Variants in HIPK3 observed in about 807,000 individuals in gnomAD.
HIPK3 encodes homeodomain-interacting protein kinase 3.
In HIPK3, 47 loss-of-function variants were observed where a neutral mutation model predicts 124.2. The observed-to-expected ratio is 0.38, with a 90% CI of 0.30 to 0.48. The LOEUF (loss-of-function observed/expected upper bound fraction) is 0.48. Among genes scored for constraint, HIPK3 ranks in the 20% least tolerant of loss-of-function variants. HIPK3 has a pLI of 0.98. For missense variants in HIPK3, 1,286 were observed against 1,454.3 expected (o/e 0.88, Z 1.88); for synonymous variants, 482 against 515.2 (o/e 0.94, Z 0.87).
At chr11:33,268,892 ACTTCCTAAC>A (rs1432436940) in intron 1 of HIPK3, among the ~76,000 whole-genome samples, 1 of 152,208 alleles carries the variant, frequency 6.6e-6, no homozygotes, top group Non-Finnish European at 1.5e-5. Flanking sequence ...AAATACCTCA[ACTTCCTAAC>A]CTATTAGAAG....
At chr11:33,329,902 T>C (rs1275926986) in intron 3 of HIPK3, among the ~76,000 whole-genome samples, 1 of 152,242 alleles carries the variant, frequency 6.6e-6, no homozygotes, top group African/African-American at 2.4e-5. Flanking sequence ...GCCTATGGCA[T>C]GCATACCGCC....
intron 2 of HIPK3, among the ~76,000 whole-genome samples, chr11:33,312,705 C>T (rs1852387992): frequency 6.6e-6 from 1 of 152,100 alleles, no homozygotes; most frequent in Admixed American, 6.6e-5. Context: ...CAATTTAAAT[C>T]TTAAGTTTTT....
chr11:33,257,573 G>A lies in HIPK3; in HGVS notation c.-319G>A. ...AGGCCCCAGTAGCCGGAGGCCGACC[G>A]GCCTCCCACTACCCCTCGCCCTAGC... On this transcript the variant is annotated 5_prime_UTR_variant, in exon 1 of 17. Transcript: ENST00000303296. 1.0e-6 allele frequency: 1 copy of A among 985,802 alleles called. No homozygotes were observed. The highest frequency in any genetic ancestry group is 1.2e-6 in the Non-Finnish European group (1 of 830,130). The allele number at this position is 985,802 out of a possible 1,614,324, so 61.1% of individuals were successfully genotyped here.
rs997963382 is a variant in HIPK3 at position 33,341,638 on chromosome 11, G to A, written c.1849G>A (p.Gly617Ser). The change falls in exon 8 of 17, where the codon GGT (glycine) becomes AGT (serine). Residue 617 changes from glycine to serine, a missense_variant. This residue lies in a region of HIPK3 where 810 missense variants were observed against 864.9 expected (regional missense o/e 0.94). Transcript: ENST00000303296. ...GGCAGGAACTGCTCAGTTTGGTTGT[G>A]GTGATGCTTTTCAGCAGACATTGAT... ...LQAGTAQFGC[G>S]DAFQQTLIIC... 2.0e-5 allele frequency: 33 copies of A among 1,613,536 alleles called. No homozygotes were observed. The highest frequency in any genetic ancestry group is 2.7e-5 in the Non-Finnish European group (32 of 1,179,720).
chr11:33,310,276 C>CTGTCT (rs879703681), intron 2 of HIPK3, among the ~76,000 whole-genome samples: 6 of 75,860 alleles, frequency 7.9e-5, no homozygotes, highest in East Asian at 3.7e-4. Flanking sequence ...GTCTGTCTGT[C>CTGTCT]TATCTTATCT....
In HIPK3 at chr11:33,257,535, C is replaced by T; in HGVS notation, c.-357C>T. On this transcript the variant is annotated 5_prime_UTR_variant, in exon 1 of 17. Coordinates refer to ENST00000303296, the MANE Select transcript of HIPK3 (RefSeq NM_005734.5). ...CCCCAATCGCCGTGGGCCCCGCACC[C>T]TGCGTCGCCCGTAGGCCCCAGTAGC... 1 of 985,588 alleles carries T rather than the reference C, an allele frequency of 1.0e-6. No homozygotes were observed. The highest frequency in any genetic ancestry group is 1.2e-6 in the Non-Finnish European group (1 of 830,046). The allele number at this position is 985,588 out of a possible 1,614,324, so 61.1% of individuals were successfully genotyped here.
In HIPK3 at chr11:33,349,167, G is replaced by A; in HGVS notation, c.2687G>A (p.Cys896Tyr). The change falls in exon 14 of 17, where the codon TGT (cysteine) becomes TAT (tyrosine). Residue 896 changes from cysteine to tyrosine, a missense_variant. Transcript: ENST00000303296. Reference protein sequence around the residue: ...SLRECKGSLDCEACQSTLNID... With the variant: ...SLRECKGSLDYEACQSTLNID... Reference sequence around the variant, plus strand: ...ACTAGATGTAAAGGTAGTCTAGATTGTGAAGCTTGCCAGAGCACTTTGAAT... The same window carrying A: ...ACTAGATGTAAAGGTAGTCTAGATTATGAAGCTTGCCAGAGCACTTTGAAT... The A allele has an allele frequency of 6.2e-7, 1 of 1,613,798 alleles. No homozygotes were observed. The highest frequency in any genetic ancestry group is 8.5e-7 in the Non-Finnish European group (1 of 1,179,812).
chr11:33,267,479 A>G (rs1323037731), intron 1 of HIPK3, among the ~76,000 whole-genome samples: 1 of 148,778 alleles, frequency 6.7e-6, no homozygotes. Flanking sequence ...CCACTACACA[A>G]AAGGAATATT....
intron 1 of HIPK3, chr11:33,258,510 C>A: frequency 1.0e-6 from 1 of 985,474 alleles, no homozygotes; most frequent in East Asian, 1.1e-4. Flanking sequence ...TGATCCGCGG[C>A]TCCGCGTCCC....
At chr11:33,276,333 T>C (rs767992945) in intron 1 of HIPK3, among the ~76,000 whole-genome samples, 5 of 152,210 alleles carry the variant, frequency 3.3e-5, no homozygotes, top group Non-Finnish European at 7.3e-5. Context: ...ACATTGACCT[T>C]TTGAAGAATA....
At chr11:33,271,682 T>G (rs993410085) in intron 1 of HIPK3, among the ~76,000 whole-genome samples, 1 of 152,234 alleles carries the variant, frequency 6.6e-6, no homozygotes, top group South Asian at 2.1e-4. Flanking sequence ...CATTTTTATT[T>G]ATGGGATCAA....
chr11:33,331,588 A>T (rs953076151), intron 3 of HIPK3, among the ~76,000 whole-genome samples: 1 of 152,084 alleles, frequency 6.6e-6, no homozygotes, highest in Non-Finnish European at 1.5e-5. Context: ...TATGTTGCCC[A>T]AGCTGGTCTC....
At chr11:33,305,288 C>T (rs975127496) in intron 2 of HIPK3, among the ~76,000 whole-genome samples, 4 of 152,206 alleles carry the variant, frequency 2.6e-5, no homozygotes, top group Non-Finnish European at 5.9e-5. Context: ...AGGCTTGACC[C>T]ACCATGCCTG....
In HIPK3 at chr11:33,261,579, GTACA is replaced by G. The variant is rs553575312; in HGVS notation, c.-3+3693_-3+3696del. On this transcript the variant is annotated intron_variant, in intron 1 of 16. Coordinates refer to ENST00000303296, the MANE Select transcript of HIPK3 (RefSeq NM_005734.5). Reference sequence around the variant, plus strand: ...TTTTATGGCTGCATAGTATTCCATGGTACATATGTAGCATATTTTTAAAAAATCG... The same window carrying G: ...TTTTATGGCTGCATAGTATTCCATGGTATGTAGCATATTTTTAAAAAATCG... Among the ~76,000 whole-genome samples, 647 of 152,216 alleles carry G rather than the reference GTACA, an allele frequency of 4.3e-3. 5 individuals carry two copies. The highest frequency in any genetic ancestry group is 0.015 in the African/African-American group (626 of 41,532).
chr11:33,322,069 G>A (rs1253113579), intron 2 of HIPK3, among the ~76,000 whole-genome samples: 2 of 151,922 alleles, frequency 1.3e-5, no homozygotes, highest in African/African-American at 4.8e-5. Flanking sequence ...GCGCGATCTT[G>A]GCTCACTGCA....
intron 1 of HIPK3, chr11:33,258,346 A>G: frequency 3.0e-6 from 3 of 985,586 alleles, no homozygotes; most frequent in Non-Finnish European, 3.6e-6. Flanking sequence ...TAAGGGGAAC[A>G]AACAAACGCG....
chr11:33,284,668 T>C (rs1851501759), intron 1 of HIPK3, among the ~76,000 whole-genome samples: 1 of 152,174 alleles, frequency 6.6e-6, no homozygotes, highest in South Asian at 2.1e-4. Context: ...AGGGTAGATG[T>C]GCAGAAAAAC....
chr11:33,340,063 A>AT (rs1237102722), intron 6 of HIPK3, among the ~76,000 whole-genome samples: 2 of 152,032 alleles, frequency 1.3e-5, no homozygotes, highest in African/African-American at 4.8e-5. Context: ...AATATTACAA[A>AT]TTCTTTGTGT....
chr11:33,353,427 T>G lies in HIPK3; in HGVS notation c.3507T>G (p.Asn1169Lys), dbSNP rs1853731235. ...TTCACCAAGTCCCAGTGGGCTTAAA[T>G]CCCCGTCTGTTACCATCCCCAACCA... The part of the protein sequence containing the change: ...GIVHQVPVGL[N>K]PRLLPSPTIH... Residue 1169 changes from asparagine (N) to lysine (K), a missense_variant, in exon 17 of 17, where the codon AAT (asparagine) becomes AAG (lysine). Asn to Lys is a moderately conservative substitution (Grantham distance 94, BLOSUM62 0). Coordinates refer to ENST00000303296, the MANE Select transcript of HIPK3 (RefSeq NM_005734.5). The G allele has an allele frequency of 6.2e-7, 1 of 1,613,898 alleles. No homozygotes were observed. Among genetic ancestry groups the G allele is most frequent in the African/African-American group, 1.3e-5 (1 of 74,896 alleles).
Sources: allele counts gnomAD v4.1 joint callset (sites outside exome capture counted in the v4.1 genomes callset), GRCh38; gene constraint gnomAD v4.1.1; regional missense constraint gnomAD v4.1.1; transcripts MANE v1.5; gene names NCBI Gene and HGNC (gene_info 2026-07-23, HGNC 2026-07-21).